Variants in KIAA1328 observed in about 807,000 individuals in gnomAD.
KIAA1328 encodes protein hinderin.
In KIAA1328, 52 loss-of-function variants were observed where a neutral mutation model predicts 68.1. The observed-to-expected ratio is 0.76, with a 90% CI of 0.61 to 0.96. The LOEUF (loss-of-function observed/expected upper bound fraction) is 0.96. KIAA1328 is among the 40% of genes least tolerant of loss of function. KIAA1328 has a pLI of 0.00. For synonymous variants in KIAA1328, 232 were observed against 239.4 expected, an observed-to-expected ratio of 0.97 and a Z score of 0.28; for missense variants, 641 against 677.6, an observed-to-expected ratio of 0.95 and a Z score of 0.60.
chr18:36,922,395 C>T (rs1412028450), intron 5 of KIAA1328, among the ~76,000 whole-genome samples: 1 of 152,202 alleles, frequency 6.6e-6, no homozygotes, highest in African/African-American at 2.4e-5. Flanking sequence ...GGCTCTTTAA[C>T]TGAAGCATGT....
chr18:37,008,946 C>T (rs1434690229), intron 6 of KIAA1328, among the ~76,000 whole-genome samples: 3 of 152,076 alleles, frequency 2.0e-5, no homozygotes, highest in African/African-American at 7.2e-5. Context: ...ACTTTTATGT[C>T]ATTGGAGTCC....
At chr18:37,088,695 AT>A (rs1200804119) in intron 7 of KIAA1328, among the ~76,000 whole-genome samples, 1 of 152,068 alleles carries the variant, frequency 6.6e-6, no homozygotes, top group East Asian at 1.9e-4. Flanking sequence ...AAATATACCT[AT>A]AATCTCATCA....
At chr18:36,921,843 A>G (rs746953533) in intron 5 of KIAA1328, among the ~76,000 whole-genome samples, 1 of 152,138 alleles carries the variant, frequency 6.6e-6, no homozygotes, top group East Asian at 1.9e-4. Context: ...GTTGTGTTTT[A>G]TTCTAAGAAC....
intron 9 of KIAA1328, among the ~76,000 whole-genome samples, chr18:37,178,962 A>G (rs991063228): frequency 6.6e-6 from 1 of 152,032 alleles, no homozygotes; most frequent in Non-Finnish European, 1.5e-5. Context: ...TTCCTTATAT[A>G]TTTTGCATAG....
chr18:37,063,659 GGCAAA>G (rs1476340156), intron 6 of KIAA1328: 1 of 985,186 alleles, frequency 1.0e-6, no homozygotes, highest in Non-Finnish European at 1.2e-6. Flanking sequence ...TTGCTCTCTA[GGCAAA>G]GCATTCGTTA....
chr18:37,088,617 G>C (rs1337358680), intron 7 of KIAA1328, among the ~76,000 whole-genome samples: 1 of 150,982 alleles, frequency 6.6e-6, no homozygotes, highest in African/African-American at 2.4e-5. Flanking sequence ...TATCTTTACT[G>C]ATTCACTTTC....
At chr18:37,112,099 G>A (rs1475998607) in intron 7 of KIAA1328, among the ~76,000 whole-genome samples, 20 of 152,192 alleles carry the variant, frequency 1.3e-4, no homozygotes. Context: ...CCGGGGGCAA[G>A]GCATAGCTGA....
At chr18:37,030,910 C>T (rs1264186062) in intron 6 of KIAA1328, among the ~76,000 whole-genome samples, 1 of 151,928 alleles carries the variant, frequency 6.6e-6, no homozygotes, top group Non-Finnish European at 1.5e-5. Flanking sequence ...TCAATTCCCA[C>T]CTATAAGTGA....
intron 6 of KIAA1328, among the ~76,000 whole-genome samples, chr18:37,002,857 AC>A: frequency 6.6e-6 from 1 of 152,112 alleles, no homozygotes; most frequent in Non-Finnish European, 1.5e-5. Flanking sequence ...TCATATGAAA[AC>A]ACAAAAGTGC....
intron 5 of KIAA1328, among the ~76,000 whole-genome samples, chr18:36,958,668 C>T (rs886281786): frequency 6.6e-6 from 1 of 152,234 alleles, no homozygotes; most frequent in East Asian, 1.9e-4. Context: ...AGCCTTTGCC[C>T]ACTTTTAAAT....
At chr18:37,103,277 A>G (rs1475766265) in intron 7 of KIAA1328, among the ~76,000 whole-genome samples, 1 of 152,222 alleles carries the variant, frequency 6.6e-6, no homozygotes, top group Non-Finnish European at 1.5e-5. Flanking sequence ...TATAGTAACC[A>G]AAACAGCATG....
intron 4 of KIAA1328, among the ~76,000 whole-genome samples, chr18:36,883,283 A>T (rs1383331852): frequency 6.6e-6 from 1 of 152,254 alleles, no homozygotes; most frequent in Non-Finnish European, 1.5e-5. Flanking sequence ...CGTGATGCTA[A>T]AAGTGGAAAA....
At chr18:37,171,237 A>G (rs1258188569) in intron 8 of KIAA1328, among the ~76,000 whole-genome samples, 1 of 152,084 alleles carries the variant, frequency 6.6e-6, no homozygotes, top group African/African-American at 2.4e-5. Flanking sequence ...CTTGAGACAG[A>G]TTCTTGCTCT....
chr18:37,090,935 ATAAACT>A (rs2057249419), intron 7 of KIAA1328, among the ~76,000 whole-genome samples: 1 of 152,186 alleles, frequency 6.6e-6, no homozygotes, highest in African/African-American at 2.4e-5. Flanking sequence ...GAGGATGCTG[ATAAACT>A]TGAAATAGCC....
chr18:37,087,472 C>T (rs553403591), intron 7 of KIAA1328, among the ~76,000 whole-genome samples: 6 of 152,256 alleles, frequency 3.9e-5, no homozygotes, highest in Non-Finnish European at 7.4e-5. Flanking sequence ...TGAGAATATT[C>T]GTAATAATTT....
chr18:37,134,019 C>CTT (rs951006307), intron 7 of KIAA1328, among the ~76,000 whole-genome samples: 2 of 142,410 alleles, frequency 1.4e-5, no homozygotes. Context: ...CCTTTACATT[C>CTT]TTTTTTTTTT....
intron 7 of KIAA1328, chr18:37,084,124 G>T (rs1306905805): frequency 2.7e-6 from 4 of 1,461,202 alleles, no homozygotes; most frequent in African/African-American, 2.9e-5. Flanking sequence ...AATTTTTACA[G>T]GTTAAAAGCT....
At chr18:37,220,295 G>A (rs1343180322) in intron 9 of KIAA1328, among the ~76,000 whole-genome samples, 1 of 152,160 alleles carries the variant, frequency 6.6e-6, no homozygotes, top group Non-Finnish European at 1.5e-5. Context: ...ATCACTTAAT[G>A]ATTTGTCTAT....
intron 5 of KIAA1328, among the ~76,000 whole-genome samples, chr18:36,950,126 C>T (rs965146604): frequency 2.2e-4 from 33 of 151,920 alleles, no homozygotes; most frequent in African/African-American, 7.5e-4. Context: ...TAATTTAGAC[C>T]TCAATTTTTA....
Sources: allele counts gnomAD v4.1 joint callset (sites outside exome capture counted in the v4.1 genomes callset), GRCh38; gene constraint gnomAD v4.1.1; transcripts MANE v1.5; gene names NCBI Gene and HGNC (gene_info 2026-07-23, HGNC 2026-07-21).